EPB41: variants seen among roughly 807,000 people sequenced by gnomAD.
The protein encoded by EPB41 is protein 4.1.
In EPB41, 65 loss-of-function variants were observed where a neutral mutation model predicts 108.0. That is an observed-to-expected ratio of 0.60 (90% CI 0.49 to 0.74). The LOEUF (loss-of-function observed/expected upper bound fraction) is 0.74. Among genes scored for constraint, EPB41 ranks in the 30% least tolerant of loss-of-function variants. EPB41 has a pLI of 0.00. For missense variants in EPB41, 875 were observed against 1,037.0 expected (o/e 0.84, Z 2.15); for synonymous variants, 336 against 358.9 (o/e 0.94, Z 0.72).
chr1:28,993,659 T>TTC lies in EPB41; in HGVS notation c.681+118_681+119insCT, dbSNP rs377504328. The TTC allele has an allele frequency of 2.9e-3, 1,437 of 502,594 alleles. 14 individuals carry two copies. The highest frequency in any genetic ancestry group is 0.025 in the African/African-American group (1,236 of 49,882). 31.1% of individuals were successfully genotyped at this position (502,594 alleles called of 1,614,324 possible). On this transcript the variant is annotated intron_variant, in intron 3 of 20. Transcript: ENST00000343067. The stretch of plus-strand genomic sequence containing the variant: ...ACTGTAGTGATTATTTCTTTTTTCT[T>TTC]TTTTTTTTTTTTTTTGAGACAGAGT...
At chr1:29,056,247 A>AG (rs1558176086) in intron 12 of EPB41, among the ~76,000 whole-genome samples, 2 of 151,338 alleles carry the variant, frequency 1.3e-5, no homozygotes, top group African/African-American at 4.8e-5. Flanking sequence ...AAAAAAAAAA[A>AG]CAAAAAACAA....
chr1:28,890,010 AT>A (rs2089940844), intron 1 of EPB41: 1 of 18,922 alleles, frequency 5.3e-5, no homozygotes, highest in Admixed American at 1.0e-3. Flanking sequence ...ATTTTATTTT[AT>A]TTTTATTTTT....
intron 1 of EPB41, among the ~76,000 whole-genome samples, chr1:28,953,532 G>A (rs923731461): frequency 2.0e-5 from 3 of 152,098 alleles, no homozygotes; most frequent in Admixed American, 2.0e-4. Flanking sequence ...AAGGAAGCCT[G>A]GATTATGCCA....
At chr1:29,031,537 AG>A (rs1363358839) in intron 8 of EPB41, among the ~76,000 whole-genome samples, 1 of 152,110 alleles carries the variant, frequency 6.6e-6, no homozygotes, top group Non-Finnish European at 1.5e-5. Flanking sequence ...AACATCACCT[AG>A]GAACTTGTTA....
At chr1:29,020,699 C>T (rs1053418604) in intron 7 of EPB41, among the ~76,000 whole-genome samples, 2 of 151,674 alleles carry the variant, frequency 1.3e-5, no homozygotes, top group Non-Finnish European at 2.9e-5. Flanking sequence ...TCACTGTTGC[C>T]CAGAGTGTAG....
intron 1 of EPB41, among the ~76,000 whole-genome samples, chr1:28,888,281 G>A (rs532599666): frequency 6.6e-6 from 1 of 152,186 alleles, no homozygotes; most frequent in Admixed American, 6.5e-5. Context: ...CTAGTGTCTC[G>A]TCAGGGTCAG....
At chr1:29,046,712 A>C (rs1315803484) in intron 11 of EPB41, among the ~76,000 whole-genome samples, 3 of 152,110 alleles carry the variant, frequency 2.0e-5, no homozygotes, top group Non-Finnish European at 2.9e-5. Flanking sequence ...TTGTCATTCT[A>C]GTTTCCTACA....
At chr1:29,060,773 A>C (rs768352411) in intron 15 of EPB41, among the ~76,000 whole-genome samples, 4 of 152,128 alleles carry the variant, frequency 2.6e-5, no homozygotes, top group Non-Finnish European at 5.9e-5. Flanking sequence ...AAAATTCTAC[A>C]CCATTGCTAA....
At chr1:28,905,613 C>A (rs939191628) in intron 1 of EPB41, among the ~76,000 whole-genome samples, 1 of 152,068 alleles carries the variant, frequency 6.6e-6, no homozygotes, top group Non-Finnish European at 1.5e-5. Context: ...CCTGGCCATG[C>A]CTGATCTCTG....
At chr1:29,017,980 T>C (rs1199743095) in intron 6 of EPB41, among the ~76,000 whole-genome samples, 2 of 152,156 alleles carry the variant, frequency 1.3e-5, no homozygotes, top group Non-Finnish European at 2.9e-5. Flanking sequence ...TACAGTATTT[T>C]TTTTAAGTTT....
chr1:29,109,397 C>T lies in EPB41; in HGVS notation c.2375C>T (p.Ser792Phe). The change falls in exon 18 of 21, where the codon TCT (serine) becomes TTT (phenylalanine). Residue 792 changes from serine (S) to phenylalanine (F), a missense_variant. Ser to Phe is a radical substitution (Grantham distance 155). Around this residue, in one of 3 missense-constraint regions of EPB41, gnomAD observed 519 missense variants for 627.3 expected, o/e 0.83. Transcript: ENST00000343067. Reference sequence around the variant, plus strand: ...TTGCTGACAGCTCAAACTATCACATCTGAGACCCCAAGCAGCACCACCACA... The same window carrying T: ...TTGCTGACAGCTCAAACTATCACATTTGAGACCCCAAGCAGCACCACCACA... ...GVLLTAQTITSETPSSTTTTQ... is the reference protein window; with the variant it reads ...GVLLTAQTITFETPSSTTTTQ... The T allele has an allele frequency of 3.1e-6, 5 of 1,614,088 alleles. No homozygotes were observed. Among genetic ancestry groups the T allele is most frequent in the Non-Finnish European group, 4.2e-6 (5 of 1,179,994 alleles).
intron 2 of EPB41, among the ~76,000 whole-genome samples, chr1:28,990,845 T>G (rs1478562996): frequency 6.6e-6 from 1 of 152,192 alleles, no homozygotes; most frequent in Admixed American, 6.6e-5. Context: ...GTACTCAAGT[T>G]GACACAGATG....
chr1:28,914,410 T>A (rs948732928), upstream of EPB41: 1 of 152,572 alleles, frequency 6.6e-6, no homozygotes, highest in South Asian at 2.1e-4. Context: ...CAAGGGGAGC[T>A]AGAAGTTGGC....
chr1:29,117,576 G>A lies in EPB41; in HGVS notation c.*764G>A, dbSNP rs1272907525. 1 of 152,654 alleles carries A rather than the reference G, an allele frequency of 6.6e-6. No individual in the cohort carries two copies. The highest frequency in any genetic ancestry group is 1.9e-4 in the East Asian group (1 of 5,190). 9.5% of individuals were successfully genotyped at this position (152,654 alleles called of 1,614,324 possible). A position where few individuals can be genotyped will look rare whatever the true frequency, so the allele number is the denominator to read the frequency against. The stretch of plus-strand genomic sequence containing the variant: ...CTCCAGCTACCCTTTTACCTCATCA[G>A]AAGCAGTGGCTCAGCTAAGTGCTCC... On this transcript the variant is annotated 3_prime_UTR_variant, in exon 21 of 21. Coordinates refer to ENST00000343067, the MANE Select transcript of EPB41 (RefSeq NM_001376013.1).
chr1:29,092,085 C>G (rs1661415124), intron 16 of EPB41, among the ~76,000 whole-genome samples: 1 of 144,748 alleles, frequency 6.9e-6, no homozygotes, highest in African/African-American at 2.5e-5. Context: ...GGAACACCTT[C>G]TTACCTTCTT....
chr1:28,887,744 G>A lies in EPB41; in HGVS notation c.-8+534G>A. The A allele has an allele frequency of 1.0e-6, 1 of 962,266 alleles. No individual in the cohort carries two copies. Among genetic ancestry groups the A allele is most frequent in the Non-Finnish European group, 1.2e-6 (1 of 808,770 alleles). The allele number at this position is 962,266 out of a possible 1,614,324, so 59.6% of individuals were successfully genotyped here. ...GGACCCAGGAACCGACCCGCCAGCT[G>A]GGGCGCCGGCTGTGCCCGCCAGGGT... On this transcript the variant is annotated intron_variant, in intron 1 of 16. Coordinates refer to the EPB41 transcript ENST00000347529. The surrounding 1 kb of genome is among the most constrained non-coding windows in gnomAD (Gnocchi z 4.9).
chr1:29,091,480 G>A (rs1434200070), intron 16 of EPB41, among the ~76,000 whole-genome samples: 1 of 152,144 alleles, frequency 6.6e-6, no homozygotes, highest in African/African-American at 2.4e-5. Flanking sequence ...AAGTAGCATA[G>A]CATCTTAACA....
chr1:29,056,294 G>A (rs115603109), intron 12 of EPB41, among the ~76,000 whole-genome samples: 3,789 of 151,800 alleles, frequency 0.025, 153 homozygotes, highest in African/African-American at 0.087. Flanking sequence ...AAAAACTATG[G>A]CATTTACTTG....
chr1:28,961,409 G>T lies in EPB41; in HGVS notation c.-7-26022G>T, dbSNP rs146094697. Reference sequence around the variant, plus strand: ...AGAATTAATAAGTGGTTGAGTGATAGAGTTGTTGAATAAAGGATAAAGTAG... The same window carrying T: ...AGAATTAATAAGTGGTTGAGTGATATAGTTGTTGAATAAAGGATAAAGTAG... On this transcript the variant is annotated intron_variant, in intron 1 of 20. Transcript: ENST00000343067. Among the ~76,000 whole-genome samples the T allele has an allele frequency of 7.3e-4, 111 of 152,272 alleles. No individual in the cohort carries two copies. The East Asian group carries it at 0.019, about 26-fold the overall frequency.
Sources: allele counts gnomAD v4.1 joint callset (sites outside exome capture counted in the v4.1 genomes callset), GRCh38; gene constraint gnomAD v4.1.1; regional missense constraint gnomAD v4.1.1; non-coding constraint Gnocchi (gnomAD v3.1); transcripts MANE v1.5; gene names NCBI Gene and HGNC (gene_info 2026-07-23, HGNC 2026-07-21).